The following REXO5 variants were observed in gnomAD, a reference collection of about 807,000 sequenced individuals.
The protein encoded by REXO5 is RNA exonuclease 5.
In REXO5, 48 loss-of-function variants were observed where a neutral mutation model predicts 88.5. That is an observed-to-expected ratio of 0.54 (90% CI 0.43 to 0.69). The LOEUF (loss-of-function observed/expected upper bound fraction) is 0.69, where lower values mean the gene tolerates loss of function less well. Ranked by LOEUF, REXO5 falls within the 30% of genes least tolerant of loss-of-function variation. The probability of loss-of-function intolerance (pLI) is 0.00; values close to 1 mark genes in which losing one functional copy is unlikely to be tolerated. For missense variants in REXO5, 749 were observed against 912.2 expected (o/e 0.82, Z 2.30); for synonymous variants, 311 against 336.5 (o/e 0.92, Z 0.83).
In REXO5 at chr16:20,833,052, C is replaced by T. The variant is rs755517927; in HGVS notation, c.1312C>T (p.Arg438Trp). ...GGGTCAGAAGCTTCTTTTTTTGACC[C>T]GGGAGACAGATGCTGGTGAACTTCC... ...SVGQKLLFLT[R>W]ETDAGELPSS... Residue 438 changes from arginine (R) to tryptophan (W), a missense_variant, in exon 13 of 20, where the codon CGG becomes TGG. Arg to Trp is a moderately radical substitution (Grantham distance 101). Transcript: ENST00000261377. 17 of 1,613,072 alleles carry T rather than the reference C, an allele frequency of 1.1e-5. No homozygotes were observed. The Admixed American group carries it at 1.3e-4, about 13-fold the overall frequency.
chr16:20,842,351 T>C (rs1410186266), intron 15 of REXO5, among the ~76,000 whole-genome samples: 1 of 152,264 alleles, frequency 6.6e-6, no homozygotes, highest in Non-Finnish European at 1.5e-5. Flanking sequence ...GGTTCATTCA[T>C]GTTGTAGCAT....
At position 20,833,040 on chromosome 16, in the gene REXO5, C is replaced by T; in HGVS notation, c.1300C>T (p.Leu434Phe). ...CTTGGATTCAGTGGGTCAGAAGCTT[C>T]TTTTTTTGACCCGGGAGACAGATGC... Reference protein sequence around the residue: ...ECLDSVGQKLLFLTRETDAGE... With the variant: ...ECLDSVGQKLFFLTRETDAGE... Residue 434 changes from leucine to phenylalanine, a missense_variant, in exon 13 of 20, where the codon CTT (leucine) becomes TTT (phenylalanine). Physicochemically the swap from Leu to Phe is conservative, Grantham distance 22. Transcript: ENST00000261377. 1 of 1,613,608 alleles carries T rather than the reference C, an allele frequency of 6.2e-7. No individual in the cohort carries two copies. The highest frequency in any genetic ancestry group is 8.5e-7 in the Non-Finnish European group (1 of 1,179,596).
In REXO5 at chr16:20,842,474, TTTTG is replaced by T. The variant is rs1375200020; in HGVS notation, c.1627-1452_1627-1449del. Among the ~76,000 whole-genome samples, 32 of 142,270 alleles carry T rather than the reference TTTTG, an allele frequency of 2.2e-4. No individual in the cohort carries two copies. The East Asian group carries it at 3.3e-3, about 15-fold the overall frequency. The allele number at this position is 142,270 out of a possible 152,430, so 93.3% of individuals were successfully genotyped here. ...GGTTGTTTCTTGTTTCTACCCTTTG[TTTTG>T]TTTGTTTTTTTTTTTTTTGAGATAG... On this transcript the variant is annotated intron_variant, in intron 15 of 19. Transcript: ENST00000261377.
chr16:20,812,137 C>T (rs530115321), intron 2 of REXO5, among the ~76,000 whole-genome samples: 20 of 152,150 alleles, frequency 1.3e-4, no homozygotes, highest in Non-Finnish European at 2.5e-4. Flanking sequence ...CTTTTATTTT[C>T]GTTTCTCTGT....
intron 2 of REXO5, among the ~76,000 whole-genome samples, chr16:20,808,475 T>G (rs1278007748): frequency 2.6e-5 from 4 of 152,080 alleles, no homozygotes; most frequent in Non-Finnish European, 5.9e-5. Flanking sequence ...TTGTCTGCCA[T>G]GTGCTGGGGC....
chr16:20,806,507 C>G (rs1305103998), upstream of REXO5: 7 of 1,543,444 alleles, frequency 4.5e-6, no homozygotes, highest in African/African-American at 4.1e-5. Flanking sequence ...TCAAAAAGCC[C>G]GCGAGGCTGA....
chr16:20,809,324 T>C (rs1308589280), intron 2 of REXO5, among the ~76,000 whole-genome samples: 1 of 152,244 alleles, frequency 6.6e-6, no homozygotes, highest in Non-Finnish European at 1.5e-5. Context: ...GAAATTACCA[T>C]GGATATATCA....
At position 20,827,185 on chromosome 16, in the gene REXO5, A is replaced by G. The variant is rs934118358; in HGVS notation, c.949A>G (p.Arg317Gly). 3.1e-6 allele frequency: 5 copies of G among 1,614,066 alleles called. No individual in the cohort carries two copies. In the African/African-American group the frequency reaches 6.7e-5, roughly 22 times the overall value. The change falls in exon 9 of 20, where the codon AGA becomes GGA. Residue 317 changes from arginine (R) to glycine (G), a missense_variant. Physicochemically the swap from Arg to Gly is moderately radical, Grantham distance 125. Coordinates refer to ENST00000261377, the MANE Select transcript of REXO5 (RefSeq NM_030941.3). ...GGGCCACTCCTTAGATTTGGATCTC[A>G]GAGCACTGAAAGTGAGTATCTGATT... ...LVGHSLDLDL[R>G]ALKMIHPYVI...
intron 2 of REXO5, among the ~76,000 whole-genome samples, chr16:20,809,982 T>G (rs1011175615): frequency 5.9e-5 from 9 of 152,260 alleles, no homozygotes; most frequent in African/African-American, 7.2e-5. Context: ...TGGATTGTGA[T>G]GCTTTAAATA....
Position 20,832,317 on chromosome 16 carries a change from TAAC to T in REXO5, c.1262+63_1262+65del, listed in dbSNP as rs892863576. 7.6e-6 allele frequency: 8 copies of T among 1,051,482 alleles called. No individual in the cohort carries two copies. The African/African-American group carries it at 1.3e-4, about 17-fold the overall frequency. 65.1% of individuals were successfully genotyped at this position (1,051,482 alleles called of 1,614,324 possible). A position where few individuals can be genotyped will look rare whatever the true frequency, so the allele number is the denominator to read the frequency against. ...CAAATGGAGTATCTAGTTTCTTATT[TAAC>T]AACACCTGAGAATGTTTTTATCCTC... On this transcript the variant is annotated intron_variant, in intron 12 of 19. Transcript: ENST00000261377.
intron 13 of REXO5, among the ~76,000 whole-genome samples, chr16:20,836,614 A>C (rs770740577): frequency 2.6e-5 from 4 of 152,240 alleles, no homozygotes; most frequent in Non-Finnish European, 5.9e-5. Flanking sequence ...TCATGTGTAC[A>C]TAAGTTTCAA....
chr16:20,814,614 A>AGGG (rs1351421206), intron 3 of REXO5, among the ~76,000 whole-genome samples: 2 of 152,210 alleles, frequency 1.3e-5, no homozygotes, highest in African/African-American at 4.8e-5. Context: ...TTGGTATCTT[A>AGGG]GGGATGACTT....
At chr16:20,831,589 T>TA (rs564128122) in intron 11 of REXO5, among the ~76,000 whole-genome samples, 36 of 151,468 alleles carry the variant, frequency 2.4e-4, no homozygotes, top group African/African-American at 6.3e-4. Flanking sequence ...AAACTGATTC[T>TA]AAAAAAAAAG....
chr16:20,821,870 A>G lies in REXO5; in HGVS notation c.584A>G (p.Glu195Gly), dbSNP rs2081190993. ...VGLTRCLLTKEEMRTFHFPLQ... is the reference protein window; with the variant it reads ...VGLTRCLLTKGEMRTFHFPLQ... Reference sequence around the variant, plus strand: ...TTGACCAGATGCCTTCTGACAAAGGAGGAAATGAGAACGTTTCACTTTCCA... The same window carrying G: ...TTGACCAGATGCCTTCTGACAAAGGGGGAAATGAGAACGTTTCACTTTCCA... The change falls in exon 6 of 20, where the codon GAG (glutamate) becomes GGG (glycine). Residue 195 changes from glutamate to glycine, a missense_variant. By Grantham distance (98) the Glu-to-Gly change is moderately conservative. Coordinates refer to ENST00000261377, the MANE Select transcript of REXO5 (RefSeq NM_030941.3). 1 of 1,597,676 alleles carries G rather than the reference A, an allele frequency of 6.3e-7. No homozygotes were observed. The highest frequency in any genetic ancestry group is 8.5e-7 in the Non-Finnish European group (1 of 1,174,850).
At chr16:20,846,363 T>C in intron 19 of REXO5, 24 bp downstream of exon 19, 1 of 1,554,864 alleles carries the variant, frequency 6.4e-7, no homozygotes, top group South Asian at 1.1e-5. Flanking sequence ...AGGGTATCCC[T>C]TCAGGACTCT....
chr16:20,840,694 G>T (rs78309544), intron 15 of REXO5, among the ~76,000 whole-genome samples: 2 of 152,152 alleles, frequency 1.3e-5, no homozygotes, highest in African/African-American at 4.8e-5. Context: ...CTGGCTGGGC[G>T]CAGTGGCCTA....
At chr16:20,809,050 G>A (rs996041807) in intron 2 of REXO5, among the ~76,000 whole-genome samples, 1 of 151,936 alleles carries the variant, frequency 6.6e-6, no homozygotes, top group Non-Finnish European at 1.5e-5. Context: ...ATTAAAGTGG[G>A]ATTCCAGTTT....
chr16:20,806,903 G>A (rs1421246068), intron 1 of REXO5, 49 bp from the exon 2 acceptor site: 2 of 1,542,758 alleles, frequency 1.3e-6, no homozygotes, highest in African/African-American at 1.4e-5. Flanking sequence ...GCACGCGGGG[G>A]AATAGGGGCG....
chr16:20,846,443 A>G (rs1352543851), intron 19 of REXO5, 104 bp downstream of exon 19: 4 of 744,480 alleles, frequency 5.4e-6, no homozygotes, highest in African/African-American at 1.7e-5. Context: ...GTGAGGACTT[A>G]CATGAATCAT....
Sources: allele counts gnomAD v4.1 joint callset (sites outside exome capture counted in the v4.1 genomes callset), GRCh38; gene constraint gnomAD v4.1.1; transcripts MANE v1.5; gene names NCBI Gene and HGNC (gene_info 2026-07-23, HGNC 2026-07-21).